DLG2: variants seen among roughly 807,000 people sequenced by gnomAD.
The protein encoded by DLG2 is disks large homolog 2.
DLG2 carries 45 observed loss-of-function variants against 132.5 expected under a neutral mutation model. That is an observed-to-expected ratio of 0.34 (90% CI 0.27 to 0.44). The LOEUF is 0.44. Among genes scored for constraint, DLG2 ranks in the 20% least tolerant of loss-of-function variants. DLG2 has a pLI of 1.00. For synonymous variants in DLG2, 424 were observed against 419.6 expected, an observed-to-expected ratio of 1.01 and a Z score of -0.13; for missense variants, 1,045 against 1,196.9, an observed-to-expected ratio of 0.87 and a Z score of 1.87.
chr11:85,202,528 C>T (rs1052715112), intron 4 of DLG2, among the ~76,000 whole-genome samples: 9 of 152,020 alleles, frequency 5.9e-5, no homozygotes, highest in African/African-American at 2.2e-4. Context: ...ATTTAAAATG[C>T]CCTCTAGACC....
At chr11:84,799,563 G>A (rs376873090) in intron 6 of DLG2, among the ~76,000 whole-genome samples, 1 of 152,102 alleles carries the variant, frequency 6.6e-6, no homozygotes, top group African/African-American at 2.4e-5. Flanking sequence ...TTCCTCTTAC[G>A]AGGACAATCA....
chr11:84,635,077 G>A (rs2099638423), intron 6 of DLG2, among the ~76,000 whole-genome samples: 1 of 152,202 alleles, frequency 6.6e-6, no homozygotes, highest in Admixed American at 6.5e-5. Flanking sequence ...CAAAGCTTCA[G>A]TTTCCTCAAG....
At chr11:85,184,963 T>C (rs1370974297) in intron 4 of DLG2, among the ~76,000 whole-genome samples, 1 of 151,910 alleles carries the variant, frequency 6.6e-6, no homozygotes, top group African/African-American at 2.4e-5. Context: ...AATTTATGTA[T>C]CTAGAATCCA....
At chr11:84,214,749 T>G (rs1239713221) in intron 8 of DLG2, among the ~76,000 whole-genome samples, 1 of 152,134 alleles carries the variant, frequency 6.6e-6, no homozygotes, top group Non-Finnish European at 1.5e-5. Context: ...TTAAGCAGAT[T>G]AACCAACTGT....
intron 6 of DLG2, among the ~76,000 whole-genome samples, chr11:84,975,742 T>C (rs2054808284): frequency 6.6e-6 from 1 of 152,206 alleles, no homozygotes; most frequent in South Asian, 2.1e-4. Flanking sequence ...AAAGTTACTC[T>C]GAAAATATAC....
intron 14 of DLG2, among the ~76,000 whole-genome samples, chr11:83,961,689 A>T (rs969813974): frequency 6.6e-6 from 1 of 152,054 alleles, no homozygotes; most frequent in African/African-American, 2.4e-5. Flanking sequence ...CTAAATTAAA[A>T]TCATATCAAA....
intron 7 of DLG2, among the ~76,000 whole-genome samples, chr11:84,418,353 G>C (rs1244517098): frequency 1.3e-5 from 2 of 152,158 alleles, no homozygotes; most frequent in Non-Finnish European, 2.9e-5. Context: ...ATAAAAAGAA[G>C]AGCAACAATA....
intron 10 of DLG2, among the ~76,000 whole-genome samples, chr11:84,064,580 G>A (rs973480791): frequency 5.9e-5 from 9 of 152,114 alleles, no homozygotes; most frequent in African/African-American, 2.2e-4. Flanking sequence ...CTGTTATTGA[G>A]AGAATGCATG....
chr11:84,308,137 A>G (rs1356341771), intron 7 of DLG2, among the ~76,000 whole-genome samples: 1 of 152,056 alleles, frequency 6.6e-6, no homozygotes, highest in Non-Finnish European at 1.5e-5. Context: ...ATCTGGCCCC[A>G]CCCACATCCT....
intron 9 of DLG2, among the ~76,000 whole-genome samples, chr11:84,153,646 G>A (rs183900781): frequency 1.6e-4 from 25 of 152,262 alleles, no homozygotes; most frequent in African/African-American, 5.5e-4. Context: ...GCTAATGCTT[G>A]CAACTATACT....
chr11:85,056,182 A>C (rs1215266274), intron 6 of DLG2, among the ~76,000 whole-genome samples: 6 of 152,152 alleles, frequency 3.9e-5, no homozygotes, highest in African/African-American at 1.4e-4. Flanking sequence ...TGAAATAACC[A>C]TAATCGACAT....
chr11:83,501,235 A>G (rs1299713558), intron 21 of DLG2, among the ~76,000 whole-genome samples: 1 of 144,648 alleles, frequency 6.9e-6, no homozygotes, highest in Non-Finnish European at 1.5e-5. Flanking sequence ...TCTAAAATTC[A>G]AAGGTTCTTG....
intron 16 of DLG2, among the ~76,000 whole-genome samples, chr11:83,865,147 G>A (rs192249685): frequency 7.0e-4 from 107 of 152,258 alleles, no homozygotes; most frequent in Middle Eastern, 3.4e-3. Context: ...AAGACAAGAC[G>A]GAAAAGGACT....
chr11:84,137,352 T>C lies in DLG2; in HGVS notation c.624+26109A>G, dbSNP rs187355093. Among the ~76,000 whole-genome samples the C allele has an allele frequency of 2.6e-5, 4 of 152,212 alleles. No homozygotes were observed. In the South Asian group the frequency reaches 6.2e-4, roughly 24 times the overall value. ...CATTAAAGAGAAAAAAATAGCCCCA[T>C]GTATTCACAAAGAAGCTGAGTTTTC... On this transcript the variant is annotated intron_variant, in intron 9 of 27. Coordinates refer to ENST00000376104, the MANE Select transcript of DLG2 (RefSeq NM_001142699.3).
intron 7 of DLG2, among the ~76,000 whole-genome samples, chr11:84,427,424 A>G (rs1183514339): frequency 6.6e-6 from 1 of 152,112 alleles, no homozygotes; most frequent in Non-Finnish European, 1.5e-5. Context: ...AGGTCACCCA[A>G]CCAGTCTTGA....
At chr11:83,972,070 G>A (rs2091443084) in intron 12 of DLG2, among the ~76,000 whole-genome samples, 1 of 152,058 alleles carries the variant, frequency 6.6e-6, no homozygotes, top group African/African-American at 2.4e-5. Flanking sequence ...AGCATCTCAT[G>A]AGTAATGAAA....
At position 84,060,817 on chromosome 11, in the gene DLG2, C is replaced by CA. The variant is rs2096580001; in HGVS notation, c.750-1334_750-1333insT. Among the ~76,000 whole-genome samples, 3 of 152,124 alleles carry CA rather than the reference C, an allele frequency of 2.0e-5. No individual in the cohort carries two copies. The Middle Eastern group carries it at 0.01, about 517-fold the overall frequency. On this transcript the variant is annotated intron_variant, in intron 10 of 27. Transcript: ENST00000376104. ...CTCCTTTGCTTGATGCTTCTTTTCC[C>CA]CCACCACCACGCAGTCAGTTCTACC...
rs148386257 is a variant in DLG2, at chr11:84,083,545, C to T, written c.749+15378G>A. 4.5e-3 allele frequency among the ~76,000 whole-genome samples: 685 copies of T among 152,252 alleles called. 6 individuals are homozygous for T. The highest frequency in any genetic ancestry group is 0.016 in the African/African-American group (655 of 41,536). On this transcript the variant is annotated intron_variant, in intron 10 of 27. Transcript: ENST00000376104. ...CCTAATAACAGGTGATTGGGTCATT[C>T]GGGCAGAGTCCTCATAAATGGATTA...
At chr11:84,072,630 T>C (rs1594669550) in intron 10 of DLG2, among the ~76,000 whole-genome samples, 2 of 152,114 alleles carry the variant, frequency 1.3e-5, no homozygotes, top group South Asian at 4.1e-4. Flanking sequence ...GCTGATGAGG[T>C]AAGGAGCACA....
Sources: gnomAD v4.1 joint callset for allele counts (sites outside exome capture counted in the v4.1 genomes callset) on GRCh38, gnomAD v4.1.1 for gene constraint, MANE v1.5 for transcripts, NCBI Gene and HGNC (gene_info 2026-07-23, HGNC 2026-07-21) for gene names.